The following CERS6 variants were observed in gnomAD, a reference collection of about 807,000 sequenced individuals.
CERS6 encodes the protein ceramide synthase 6, also known as LAG1 homolog, ceramide synthase 6.
CERS6 carries 26 observed loss-of-function variants against 56.8 expected under a neutral mutation model. The observed-to-expected ratio is 0.46, with a 90% confidence interval of 0.34 to 0.63. The LOEUF (loss-of-function observed/expected upper bound fraction) is 0.63. CERS6 is among the 30% of genes least tolerant of loss of function. CERS6 has a pLI of 0.01. For missense variants in CERS6, 415 were observed against 467.5 expected (o/e 0.89, Z 1.04); for synonymous variants, 164 against 173.3 (o/e 0.95, Z 0.42).
At chr2:168,630,164 C>CTT (rs200868384) in intron 3 of CERS6, among the ~76,000 whole-genome samples, 1 of 146,940 alleles carries the variant, frequency 6.8e-6, no homozygotes, top group Non-Finnish European at 1.5e-5. Flanking sequence ...TACAAGATAA[C>CTT]TTTTTTTTTT....
intron 1 of CERS6, among the ~76,000 whole-genome samples, chr2:168,536,119 T>G (rs560271040): frequency 6.6e-6 from 1 of 152,330 alleles, no homozygotes; most frequent in South Asian, 2.1e-4. Flanking sequence ...GTGGCAGAGA[T>G]AATGCAGATG....
intron 1 of CERS6, among the ~76,000 whole-genome samples, chr2:168,531,231 A>G (rs577120702): frequency 1.3e-3 from 204 of 152,246 alleles, no homozygotes; most frequent in Non-Finnish European, 2.7e-3. Flanking sequence ...TTTACATTTC[A>G]GCAAGAAGGA....
At chr2:168,671,094 G>T in intron 4 of CERS6, among the ~76,000 whole-genome samples, 1 of 151,524 alleles carries the variant, frequency 6.6e-6, no homozygotes, top group East Asian at 1.9e-4. Context: ...CCGAGTAGCT[G>T]GGACTACAGG....
intron 1 of CERS6, among the ~76,000 whole-genome samples, chr2:168,528,650 G>GAGGAGTTTGCAAACAAATTTGTT (rs71003044): frequency 6.6e-6 from 1 of 151,992 alleles, no homozygotes; most frequent in Non-Finnish European, 1.5e-5. Context: ...AGAAGAACTA[G>GAGGAGTTTGCAAACAAATTTGTT]AGGTTCATAG....
At chr2:168,541,762 T>C (rs1187937462) in intron 1 of CERS6, among the ~76,000 whole-genome samples, 1 of 152,206 alleles carries the variant, frequency 6.6e-6, no homozygotes, top group African/African-American at 2.4e-5. Context: ...AAACCTTAGC[T>C]CCTATCTGCA....
chr2:168,533,306 A>G (rs746734392), intron 1 of CERS6, among the ~76,000 whole-genome samples: 50 of 152,044 alleles, frequency 3.3e-4, no homozygotes, highest in East Asian at 7.7e-4. Context: ...CTCTTTTTCT[A>G]TTGTTTGGAA....
At chr2:168,675,755 C>T (rs1031286337) in intron 4 of CERS6, among the ~76,000 whole-genome samples, 4 of 151,624 alleles carry the variant, frequency 2.6e-5, no homozygotes, top group African/African-American at 9.7e-5. Context: ...GGTGCGATCT[C>T]AGCTCACTGC....
chr2:168,640,961 A>G (rs1685020129), intron 4 of CERS6, among the ~76,000 whole-genome samples: 1 of 152,088 alleles, frequency 6.6e-6, no homozygotes, highest in Non-Finnish European at 1.5e-5. Context: ...ATATACCCAG[A>G]GTGGTGACTG....
chr2:168,729,836 T>C (rs1683468318), intron 8 of CERS6, among the ~76,000 whole-genome samples: 1 of 152,232 alleles, frequency 6.6e-6, no homozygotes, highest in African/African-American at 2.4e-5. Flanking sequence ...ACTTCACAAA[T>C]TCCTCATAGA....
intron 3 of CERS6, among the ~76,000 whole-genome samples, chr2:168,602,128 G>A (rs1344208328): frequency 2.0e-5 from 3 of 152,192 alleles, no homozygotes; most frequent in Non-Finnish European, 4.4e-5. Context: ...AGTGAGGGTT[G>A]CAGATAGCAA....
chr2:168,772,046 A>T lies in CERS6; in HGVS notation c.*2384A>T, dbSNP rs142710632. On this transcript the variant is annotated 3_prime_UTR_variant, in exon 10 of 10. Transcript: ENST00000305747. The stretch of plus-strand genomic sequence containing the variant: ...GTTTGCAGGCTTTTTATGGTGAAGA[A>T]TAATATATCTCTGTCTATAGCTTTC... The T allele has an allele frequency of 6.6e-6, 1 of 152,328 alleles. No individual in the cohort carries two copies. The highest frequency in any genetic ancestry group is 2.4e-5 in the African/African-American group (1 of 41,572). 9.4% of individuals were successfully genotyped at this position (152,328 alleles called of 1,614,324 possible).
chr2:168,623,753 T>G (rs949336643), intron 3 of CERS6, among the ~76,000 whole-genome samples: 1 of 152,178 alleles, frequency 6.6e-6, no homozygotes, highest in Admixed American at 6.5e-5. Flanking sequence ...ACTCAAAAAA[T>G]AGGCAGTATA....
intron 4 of CERS6, among the ~76,000 whole-genome samples, chr2:168,639,934 A>G (rs1684948929): frequency 6.6e-6 from 1 of 152,062 alleles, no homozygotes; most frequent in Non-Finnish European, 1.5e-5. Flanking sequence ...CGTTGCTGTC[A>G]TTGCTTAGGA....
At chr2:168,750,259 A>G (rs1247491417) in intron 8 of CERS6, among the ~76,000 whole-genome samples, 1 of 152,144 alleles carries the variant, frequency 6.6e-6, no homozygotes, top group Non-Finnish European at 1.5e-5. Flanking sequence ...GCTTGGCTGT[A>G]TGTTATCATT....
chr2:168,687,993 A>G (rs1436443350), intron 4 of CERS6, among the ~76,000 whole-genome samples: 5 of 152,174 alleles, frequency 3.3e-5, no homozygotes, highest in African/African-American at 4.8e-5. Flanking sequence ...TGTGAGCCAC[A>G]ATGACTGACC....
chr2:168,536,982 G>A (rs1695276061), intron 1 of CERS6, among the ~76,000 whole-genome samples: 1 of 152,116 alleles, frequency 6.6e-6, no homozygotes, highest in South Asian at 2.1e-4. Context: ...ATGGACTATT[G>A]TGTTATTTGT....
At position 168,765,670 on chromosome 2, in the gene CERS6, A is replaced by C; in HGVS notation, c.924A>C (p.Leu308=). ...YPSWWVFNLL[L]LLVQGLNCFW... is the part of the protein sequence containing the mutation. The stretch of plus-strand genomic sequence containing the variant: ...CCTGGTGGGTTTTTAACCTACTGCT[A>C]TTGCTAGTACAAGGGTTGAACTGCT... Residue 308 remains leucine, a synonymous_variant, in exon 9 of 10, where the codon CTA becomes CTC. Coordinates refer to ENST00000305747, the MANE Select transcript of CERS6 (RefSeq NM_203463.3). 1 of 1,614,102 alleles carries C rather than the reference A, an allele frequency of 6.2e-7. No individual in the cohort carries two copies. The highest frequency in any genetic ancestry group is 1.1e-5 in the South Asian group (1 of 91,066).
At chr2:168,547,517 A>G in intron 1 of CERS6, 79 bp from the exon 2 acceptor site, 1 of 720,368 alleles carries the variant, frequency 1.4e-6, no homozygotes, top group Non-Finnish European at 2.3e-6. Context: ...TAATTGAGTA[A>G]TGTGTAACTG....
chr2:168,648,970 T>C (rs1486384976), intron 4 of CERS6, among the ~76,000 whole-genome samples: 4 of 152,186 alleles, frequency 2.6e-5, no homozygotes, highest in Admixed American at 6.5e-5. Context: ...TTCTGTTGTT[T>C]TGGGGTGGAG....
Sources: allele counts gnomAD v4.1 joint callset (sites outside exome capture counted in the v4.1 genomes callset), GRCh38; gene constraint gnomAD v4.1.1; transcripts MANE v1.5; gene names NCBI Gene and HGNC (gene_info 2026-07-23, HGNC 2026-07-21).